INPPL1: variants seen among roughly 807,000 people sequenced by gnomAD.
INPPL1 encodes phosphatidylinositol 3,4,5-trisphosphate 5-phosphatase 2.
INPPL1 carries 91 observed loss-of-function variants against 139.3 expected under a neutral mutation model. The ratio of observed to expected loss-of-function variants is 0.65; its 90% CI spans 0.55 to 0.78. INPPL1 has a LOEUF of 0.78. INPPL1 is among the 30% of genes least tolerant of loss of function. INPPL1 has a pLI of 0.00. For missense variants in INPPL1, 1,411 were observed against 1,665.6 expected (o/e 0.85, Z 2.66); for synonymous variants, 719 against 686.6 (o/e 1.05, Z -0.74).
intron 5 of INPPL1, 51 bp from the exon 6 acceptor site, chr11:72,229,414 C>G (rs753006035): frequency 6.4e-7 from 1 of 1,563,918 alleles, no homozygotes; most frequent in Non-Finnish European, 8.8e-7. Flanking sequence ...GCGCCCCCTT[C>G]CCTATACTTA....
chr11:72,235,836 T>G lies in INPPL1; in HGVS notation c.2739-10T>G. The stretch of plus-strand genomic sequence containing the variant: ...CCCCACTTCATCTCTCTCCTGTGCA[T>G]CCCTGGCAGGTCAGGGAGCCGCAAG... On this transcript the variant is annotated splice_polypyrimidine_tract_variant and intron_variant, in intron 24 of 27. Coordinates refer to ENST00000298229, the MANE Select transcript of INPPL1 (RefSeq NM_001567.4). This position sits in a 1 kb window ranked among gnomAD's most constrained non-coding sequence, Gnocchi z 4.9. 6.2e-7 allele frequency: 1 copy of G among 1,612,530 alleles called. No homozygotes were observed. The highest frequency in any genetic ancestry group is 8.5e-7 in the Non-Finnish European group (1 of 1,179,324).
At position 72,235,305 on chromosome 11, in the gene INPPL1, T is replaced by A. The variant is rs746858204; in HGVS notation, c.2513T>A (p.Val838Glu). Residue 838 changes from valine to glutamate, a missense_variant, in exon 23 of 28, where the codon GTG becomes GAG. By Grantham distance (121) the Val-to-Glu change is moderately radical (BLOSUM62 -2). Transcript: ENST00000298229. The surrounding 1 kb of genome is among the most constrained non-coding windows in gnomAD (Gnocchi z 4.9). ...MDGYESYGEC[V>E]VALKSMIGST... Reference sequence around the variant, plus strand: ...CCCATCTGCTCCTCAGGGGAGTGTGTGGTTGCACTCAAATCCATGATCGGC... The same window carrying A: ...CCCATCTGCTCCTCAGGGGAGTGTGAGGTTGCACTCAAATCCATGATCGGC... 1 of 1,614,022 alleles carries A rather than the reference T, an allele frequency of 6.2e-7. No homozygotes were observed. Among genetic ancestry groups the A allele is most frequent in the Non-Finnish European group, 8.5e-7 (1 of 1,179,966 alleles).
Position 72,228,291 on chromosome 11 carries a change from G to T in INPPL1, c.246+38G>T. 2 of 1,614,076 alleles carry T rather than the reference G, an allele frequency of 1.2e-6. No individual in the cohort carries two copies. Among genetic ancestry groups the T allele is most frequent in the Non-Finnish European group, 1.7e-6 (2 of 1,179,964 alleles). ...GCCCCTGACCCCTGACCTTGATCCAGCCTAGGGCTTGGGGACCTGCTGGCT... is the reference window on the plus strand; with the variant it reads ...GCCCCTGACCCCTGACCTTGATCCATCCTAGGGCTTGGGGACCTGCTGGCT... On this transcript the variant is annotated intron_variant, in intron 2 of 27. Coordinates refer to ENST00000298229, the MANE Select transcript of INPPL1 (RefSeq NM_001567.4). The surrounding 1 kb of genome is among the most constrained non-coding windows in gnomAD (Gnocchi z 5.0).
At chr11:72,229,378 T>C (rs1948765951) in intron 5 of INPPL1, 87 bp from the exon 6 acceptor site, 3 of 1,441,390 alleles carry the variant, frequency 2.1e-6, no homozygotes, top group Non-Finnish European at 2.9e-6. Context: ...GCCTTTATCC[T>C]TGTGGTGAGG....
intron 17 of INPPL1, 91 bp downstream of exon 17, chr11:72,233,254 C>T (rs1239954036): frequency 3.3e-6 from 4 of 1,203,090 alleles, no homozygotes; most frequent in South Asian, 1.3e-5. Context: ...CTGCAGCTTC[C>T]ACTCCAGCCT....
rs376374512 is a variant in INPPL1, at chr11:72,233,178, C to T, written c.2040+15C>T. On this transcript the variant is annotated intron_variant, in intron 17 of 27. Coordinates refer to ENST00000298229, the MANE Select transcript of INPPL1 (RefSeq NM_001567.4). ...AGCCAACTGGGGTGAGCCAAGAAAA[C>T]GGCATGGGCCTTGGGGGACCGCAGG... 3.0e-5 allele frequency: 48 copies of T among 1,610,214 alleles called. No individual in the cohort carries two copies. The highest frequency in any genetic ancestry group is 1.1e-4 in the African/African-American group (8 of 74,812).
chr11:72,227,749 A>G, intron 1 of INPPL1: 1 of 220,792 alleles, frequency 4.5e-6, no homozygotes, highest in East Asian at 1.1e-4. Context: ...GCAGAGCCAG[A>G]GAGCAGCATA....
intron 25 of INPPL1, 58 bp downstream of exon 25, chr11:72,236,044 A>C: frequency 9.7e-6 from 9 of 925,470 alleles, no homozygotes; most frequent in Non-Finnish European, 9.8e-6. Flanking sequence ...ATCCATCACT[A>C]TCCCCTGCAG....
In INPPL1 at chr11:72,228,863, C is replaced by CA. The variant is rs1948750332; in HGVS notation, c.518+17dup. On this transcript the variant is annotated intron_variant, in intron 4 of 27. Coordinates refer to ENST00000298229, the MANE Select transcript of INPPL1 (RefSeq NM_001567.4). The surrounding 1 kb of genome is among the most constrained non-coding windows in gnomAD (Gnocchi z 5.0). Reference sequence around the variant, plus strand: ...CTGCTGAGAGGTGAGACCCCCATCCCATCCACTGAACAGGAGACCCTTTCT... The same window carrying CA: ...CTGCTGAGAGGTGAGACCCCCATCCCAATCCACTGAACAGGAGACCCTTTCT... 2 of 1,573,414 alleles carry CA rather than the reference C, an allele frequency of 1.3e-6. No homozygotes were observed. The highest frequency in any genetic ancestry group is 2.4e-5 in the South Asian group (2 of 84,410).
chr11:72,228,949 C>T lies in INPPL1; in HGVS notation c.518+102C>T, dbSNP rs1278748121. 1 of 1,519,238 alleles carries T rather than the reference C, an allele frequency of 6.6e-7. No individual in the cohort carries two copies. Among genetic ancestry groups the T allele is most frequent in the East Asian group, 2.3e-5 (1 of 43,918 alleles). The allele number at this position is 1,519,238 out of a possible 1,614,324, so 94.1% of individuals were successfully genotyped here. On this transcript the variant is annotated intron_variant, in intron 4 of 27. Coordinates refer to ENST00000298229, the MANE Select transcript of INPPL1 (RefSeq NM_001567.4). The surrounding 1 kb of genome is among the most constrained non-coding windows in gnomAD (Gnocchi z 5.0). ...GCCTTCTAAGACCCCACCAGGGACC[C>T]CCACCCCACCTCAGCCCAGAGGCAG...
chr11:72,228,217 C>A lies in INPPL1; in HGVS notation c.210C>A (p.Arg70=). 6.2e-7 allele frequency: 1 copy of A among 1,614,120 alleles called. No homozygotes were observed. The highest frequency in any genetic ancestry group is 8.5e-7 in the Non-Finnish European group (1 of 1,179,990). ...VLYQKHVHTY[R]ILPDGEDFLA... ...ATCAGAAGCATGTGCACACGTATCG[C>A]ATTCTGCCTGATGGAGAAGATTTCT... The change falls in exon 2 of 28, where the codon CGC becomes CGA. Residue 70 remains arginine (R), a synonymous_variant. Coordinates refer to ENST00000298229, the MANE Select transcript of INPPL1 (RefSeq NM_001567.4). This position sits in a 1 kb window ranked among gnomAD's most constrained non-coding sequence, Gnocchi z 5.0.
In INPPL1 at chr11:72,232,033, T is replaced by TCAGGCCATCCACACAGAC. The variant is rs1948848841; in HGVS notation, c.1616-204_1616-187dup. On this transcript the variant is annotated intron_variant, in intron 13 of 27. Coordinates refer to ENST00000298229, the MANE Select transcript of INPPL1 (RefSeq NM_001567.4). ...GCTCTGCTCACACATACAGACAGAC[T>TCAGGCCATCCACACAGAC]CAGGCCATCCACACAGACCATGTGT... Among the ~76,000 whole-genome samples the TCAGGCCATCCACACAGAC allele has an allele frequency of 2.0e-5, 3 of 152,126 alleles. No homozygotes were observed. The South Asian group carries it at 6.2e-4, about 32-fold the overall frequency.
Position 72,235,339 on chromosome 11 carries a change from C to G in INPPL1, c.2547C>G (p.Ala849=). The G allele has an allele frequency of 6.2e-7, 1 of 1,614,068 alleles. No individual in the cohort carries two copies. Residue 849 remains alanine (A), a synonymous_variant, in exon 23 of 28, where the codon GCC becomes GCG. Coordinates refer to ENST00000298229, the MANE Select transcript of INPPL1 (RefSeq NM_001567.4). The surrounding 1 kb of genome is among the most constrained non-coding windows in gnomAD (Gnocchi z 4.9). Reference sequence around the variant, plus strand: ...TCAAATCCATGATCGGCAGCACGGCCCAACAGTTCCTGACCTTCCTATCCC... The same window carrying G: ...TCAAATCCATGATCGGCAGCACGGCGCAACAGTTCCTGACCTTCCTATCCC... ...VALKSMIGST[A]QQFLTFLSHR...
chr11:72,234,726 A>C lies in INPPL1; in HGVS notation c.2415+111A>C. The C allele has an allele frequency of 1.5e-6, 1 of 689,054 alleles. No homozygotes were observed. Among genetic ancestry groups the C allele is most frequent in the Non-Finnish European group, 2.5e-6 (1 of 397,748 alleles). 42.7% of individuals were successfully genotyped at this position (689,054 alleles called of 1,614,324 possible). On this transcript the variant is annotated intron_variant, in intron 21 of 27. Coordinates refer to ENST00000298229, the MANE Select transcript of INPPL1 (RefSeq NM_001567.4). This position sits in a 1 kb window ranked among gnomAD's most constrained non-coding sequence, Gnocchi z 4.2. The stretch of plus-strand genomic sequence containing the variant: ...GAGTGTGGGGCCAGCAGAGAGAGAG[A>C]GAGAGAGTGTGTGTGTGTGTGTGTG...
chr11:72,223,701 A>T (rs1948580016), upstream of INPPL1: 1 of 151,650 alleles, frequency 6.6e-6, no homozygotes, highest in South Asian at 2.1e-4. Flanking sequence ...TCGCCACAGG[A>T]TCCCCATTTT....
intron 13 of INPPL1, among the ~76,000 whole-genome samples, chr11:72,231,922 C>T (rs982632414): frequency 6.6e-6 from 1 of 152,128 alleles, no homozygotes; most frequent in Non-Finnish European, 1.5e-5. Context: ...TCCTGATTTT[C>T]GGTCTGGTGC....
rs1166128517 is a variant in INPPL1, at chr11:72,228,321, C to A, written c.247-27C>A. The A allele has an allele frequency of 1.2e-6, 2 of 1,614,014 alleles. No homozygotes were observed. Among genetic ancestry groups the A allele is most frequent in the East Asian group, 4.5e-5 (2 of 44,880 alleles). On this transcript the variant is annotated intron_variant, in intron 2 of 27. Transcript: ENST00000298229. This position sits in a 1 kb window ranked among gnomAD's most constrained non-coding sequence, Gnocchi z 5.0. ...GGGCTTGGGGACCTGCTGGCTGACC[C>A]TTCCTCCCACCCTTGCTGGCCCACA... is the stretch of plus-strand genomic sequence containing the variant.
rs748148293 is a variant in INPPL1, at chr11:72,233,120, G to T, written c.1997G>T (p.Gly666Val). Residue 666 changes from glycine (G) to valine (V), a missense_variant, in exon 17 of 28, where the codon GGT becomes GTT. Coordinates refer to ENST00000298229, the MANE Select transcript of INPPL1 (RefSeq NM_001567.4). ...SFPPTYRYER[G>V]SRDTYAWHKQ... ...CCACCCACCTACCGCTATGAGCGGG[G>T]TTCCCGGGACACATATGCCTGGCAC... 1 of 1,614,090 alleles carries T rather than the reference G, an allele frequency of 6.2e-7. No homozygotes were observed. Among genetic ancestry groups the T allele is most frequent in the South Asian group, 1.1e-5 (1 of 91,074 alleles).
rs780522806 is a variant in INPPL1, at chr11:72,230,002, C to G, written c.922C>G (p.Pro308Ala). 4 of 1,614,110 alleles carry G rather than the reference C, an allele frequency of 2.5e-6. No homozygotes were observed. The highest frequency in any genetic ancestry group is 1.6e-4 in the Middle Eastern group (1 of 6,084). The change falls in exon 8 of 28, where the codon CCC (proline) becomes GCC (alanine). Residue 308 changes from proline (P) to alanine (A), a missense_variant. Physicochemically the swap from Pro to Ala is conservative, Grantham distance 27. Around this residue, in one of 5 missense-constraint regions of INPPL1, gnomAD observed 504 missense variants for 595.6 expected, o/e 0.85. Transcript: ENST00000298229. ...QPSTRKAKTIPVQAFEVKLDV... is the reference protein window; with the variant it reads ...QPSTRKAKTIAVQAFEVKLDV... ...ATCCACACGTAAGGCCAAGACCATCCCCGTGCAGGCCTTTGAGGTACATGG... is the reference window on the plus strand; with the variant it reads ...ATCCACACGTAAGGCCAAGACCATCGCCGTGCAGGCCTTTGAGGTACATGG...
Sources: allele counts gnomAD v4.1 joint callset (sites outside exome capture counted in the v4.1 genomes callset), GRCh38; gene constraint gnomAD v4.1.1; regional missense constraint gnomAD v4.1.1; non-coding constraint Gnocchi (gnomAD v3.1); transcripts MANE v1.5; gene names NCBI Gene and HGNC (gene_info 2026-07-23, HGNC 2026-07-21).